SLC12A4: variants seen among roughly 807,000 people sequenced by gnomAD.
SLC12A4 encodes electroneutral potassium-chloride cotransporter 1.
In SLC12A4, 84 loss-of-function variants were observed where a neutral mutation model predicts 119.2. The observed-to-expected ratio is 0.70, with a 90% CI of 0.59 to 0.85. SLC12A4 has a LOEUF of 0.85. SLC12A4 is among the 40% of genes least tolerant of loss of function. SLC12A4 has a pLI of 0.00. For missense variants in SLC12A4, 1,298 were observed against 1,476.3 expected, an observed-to-expected ratio of 0.88 and a Z score of 1.98; for synonymous variants, 599 against 604.6, an observed-to-expected ratio of 0.99 and a Z score of 0.14.
chr16:67,961,875 C>T (rs1258554295), intron 2 of SLC12A4, among the ~76,000 whole-genome samples, 169 bp from the exon 3 acceptor site: 1 of 152,240 alleles, frequency 6.6e-6, no homozygotes, highest in Non-Finnish European at 1.5e-5. Flanking sequence ...GTGTGCACAC[C>T]ACACCCCAGC....
chr16:67,961,747 T>A, intron 2 of SLC12A4, 41 bp from the exon 3 acceptor site: 1 of 1,611,494 alleles, frequency 6.2e-7, no homozygotes, highest in Non-Finnish European at 8.5e-7. Flanking sequence ...TTGGGCCAGG[T>A]GGGTGCCAGC....
Position 67,944,766 on chromosome 16 carries a change from G to C in SLC12A4, c.*74C>G, listed in dbSNP as rs28362524. On this transcript the variant is annotated 3_prime_UTR_variant, in exon 24 of 24. Transcript: ENST00000316341. The surrounding 1 kb of genome is among the most constrained non-coding windows in gnomAD (Gnocchi z 6.6). The stretch of plus-strand genomic sequence containing the variant: ...GGCTGGCAGGTGGGTGCTGGGAAGA[G>C]GCTGTTACCCCAGACCACAGCTTGT... The C allele has an allele frequency of 1.9e-6, 3 of 1,564,746 alleles. No individual in the cohort carries two copies. In the East Asian group the frequency reaches 7.1e-5, roughly 37 times the overall value.
chr16:67,953,995 G>A lies in SLC12A4; in HGVS notation c.675+648C>T, dbSNP rs577342471. On this transcript the variant is annotated intron_variant, in intron 6 of 23. Coordinates refer to ENST00000316341, the MANE Select transcript of SLC12A4 (RefSeq NM_005072.5). ...ATTCAGGTGCAGGGTCCTGCTGCAG[G>A]TAGAGGACCTGGAGACAAGAACAGC... 4.1e-5 allele frequency: 8 copies of A among 193,132 alleles called. No individual in the cohort carries two copies. The South Asian group carries it at 4.6e-4, about 11-fold the overall frequency. The allele number at this position is 193,132 out of a possible 1,614,324, so 12.0% of individuals were successfully genotyped here.
At chr16:67,964,631 A>C (rs1295034752) in intron 1 of SLC12A4, among the ~76,000 whole-genome samples, 3 of 152,184 alleles carry the variant, frequency 2.0e-5, no homozygotes, top group South Asian at 2.1e-4. Flanking sequence ...AGCAGTATGT[A>C]GTTCTGACAT....
Position 67,945,210 on chromosome 16 carries a change from T to C in SLC12A4, c.3043A>G (p.Asn1015Asp), listed in dbSNP as rs1387935267. 1.9e-6 allele frequency: 3 copies of C among 1,558,342 alleles called. No homozygotes were observed. The highest frequency in any genetic ancestry group is 1.7e-6 in the Non-Finnish European group (2 of 1,150,660). Residue 1015 changes from asparagine to aspartate, a missense_variant, in exon 23 of 24, where the codon AAT becomes GAT. Coordinates refer to ENST00000316341, the MANE Select transcript of SLC12A4 (RefSeq NM_005072.5). ...ACAGCAGTGTGCATGCGCCGCACAT[T>C]GGATTGGTCCCTACACGTAGTGTAG... ...ELVHIKPDQS[N>D]VRRMHTAVKL...
rs747067285 is a variant in SLC12A4, at chr16:67,950,421, G to A, written c.1527C>T (p.Ile509=). Residue 509 remains isoleucine (I), a synonymous_variant, in exon 12 of 24, where the codon ATC becomes ATT. Transcript: ENST00000316341. The surrounding 1 kb of genome is among the most constrained non-coding windows in gnomAD (Gnocchi z 4.3). ...LAWPSPWVIV[I]GSFFSTCGAG... is the part of the protein sequence containing the mutation. ...CGCCACACGTTGAAAAGAAGGAGCC[G>A]ATGACGATGACCCAGGGTGAAGGCC... 48 of 1,614,024 alleles carry A rather than the reference G, an allele frequency of 3.0e-5. No individual in the cohort carries two copies. The highest frequency in any genetic ancestry group is 3.5e-5 in the Non-Finnish European group (41 of 1,180,024).
Position 67,951,683 on chromosome 16 carries a change from G to T in SLC12A4, c.1132+140C>A. On this transcript the variant is annotated intron_variant, in intron 8 of 23. Coordinates refer to ENST00000316341, the MANE Select transcript of SLC12A4 (RefSeq NM_005072.5). This position sits in a 1 kb window ranked among gnomAD's most constrained non-coding sequence, Gnocchi z 5.2. ...CTCCAAACTCGGCTGCCAGGAGCCA[G>T]GCTGGGAGGACACTGGGGGGCTGGG... is the stretch of plus-strand genomic sequence containing the variant. 1.3e-6 allele frequency: 1 copy of T among 787,464 alleles called. No homozygotes were observed. Among genetic ancestry groups the T allele is most frequent in the South Asian group, 1.8e-5 (1 of 56,934 alleles). The allele number at this position is 787,464 out of a possible 1,614,324, so 48.8% of individuals were successfully genotyped here.
At chr16:67,967,912 G>A (rs1226279766) in intron 1 of SLC12A4, among the ~76,000 whole-genome samples, 2 of 152,142 alleles carry the variant, frequency 1.3e-5, no homozygotes, top group Non-Finnish European at 2.9e-5. Flanking sequence ...CTACACCGGC[G>A]CACTCACGGG....
rs757279840 is a variant in SLC12A4 at position 67,951,145 on chromosome 16, A to C, written c.1292T>G (p.Val431Gly). The C allele has an allele frequency of 6.2e-7, 1 of 1,613,866 alleles. No individual in the cohort carries two copies. The highest frequency in any genetic ancestry group is 8.5e-7 in the Non-Finnish European group (1 of 1,179,870). The change falls in exon 9 of 24, where the codon GTA (valine) becomes GGA (glycine). Residue 431 changes from valine to glycine, a missense_variant. Coordinates refer to ENST00000316341, the MANE Select transcript of SLC12A4 (RefSeq NM_005072.5). The surrounding 1 kb of genome is among the most constrained non-coding windows in gnomAD (Gnocchi z 5.2). ...TVLVGIFFPSVTGIMAGSNRS... is the reference protein window; with the variant it reads ...TVLVGIFFPSGTGIMAGSNRS... ...GGTAGGCAGGCAGGGCTCACCTGTT[A>C]CAGAAGGGAAGAAGATGCCGACCAG...
rs771072533 is a variant in SLC12A4, at chr16:67,968,477, A to C, written c.77T>G (p.Val26Gly). ...DYDNLEGLSWVDYGERAELDD... is the reference protein window; with the variant it reads ...DYDNLEGLSWGDYGERAELDD... ...CAGCTCGGCGCGCTCCCCGTAGTCC[A>C]CCCAACTGAGCCCCTCGAGGTTGTC... Residue 26 changes from valine (V) to glycine (G), a missense_variant, in exon 1 of 24, where the codon GTG (valine) becomes GGG (glycine). Transcript: ENST00000316341. The C allele has an allele frequency of 2.5e-6, 4 of 1,585,178 alleles. No individual in the cohort carries two copies. In the East Asian group the frequency reaches 7.1e-5, roughly 28 times the overall value.
intron 3 of SLC12A4, among the ~76,000 whole-genome samples, chr16:67,959,721 A>G (rs1357602788): frequency 6.6e-6 from 1 of 152,210 alleles, no homozygotes; most frequent in Non-Finnish European, 1.5e-5. Flanking sequence ...AGAAAAGGAC[A>G]GTGTGGGAAA....
chr16:67,954,778 A>G lies in SLC12A4; in HGVS notation c.545-5T>C, dbSNP rs750036355. On this transcript the variant is annotated splice_polypyrimidine_tract_variant and splice_region_variant and intron_variant, in intron 5 of 23. Transcript: ENST00000316341. ...TCATGAAATAGGAGCCCCCAGCTAC[A>G]GCAGAGAAATGAAAGTGTGCACAGG... 6.8e-6 allele frequency: 11 copies of G among 1,614,168 alleles called. No homozygotes were observed. In the East Asian group the frequency reaches 2.2e-4, roughly 33 times the overall value.
At chr16:67,966,750 C>T (rs1398067204) in intron 1 of SLC12A4, 24 of 1,551,412 alleles carry the variant, frequency 1.5e-5, no homozygotes, top group Non-Finnish European at 2.0e-5. Context: ...CAAAATCACT[C>T]ACCGGGGCTC....
Position 67,950,226 on chromosome 16 carries a change from C to G in SLC12A4, c.1629+93G>C. The G allele has an allele frequency of 2.1e-6, 3 of 1,462,036 alleles. No homozygotes were observed. Among genetic ancestry groups the G allele is most frequent in the Non-Finnish European group, 1.9e-6 (2 of 1,077,606 alleles). The allele number at this position is 1,462,036 out of a possible 1,614,324, so 90.6% of individuals were successfully genotyped here. Reference sequence around the variant, plus strand: ...GCCTGGCCCCGGGGGCCAATAAGGGCAGGACGTGCTGCATCTGTGTTCCCT... The same window carrying G: ...GCCTGGCCCCGGGGGCCAATAAGGGGAGGACGTGCTGCATCTGTGTTCCCT... On this transcript the variant is annotated intron_variant, in intron 12 of 23. Transcript: ENST00000316341. This position sits in a 1 kb window ranked among gnomAD's most constrained non-coding sequence, Gnocchi z 4.3.
rs1361090844 is a variant in SLC12A4, at chr16:67,946,317, C to A, written c.2461G>T (p.Ala821Ser). The A allele has an allele frequency of 8.1e-6, 13 of 1,611,218 alleles. No individual in the cohort carries two copies. In the East Asian group the frequency reaches 2.9e-4, roughly 36 times the overall value. ...TTGGGCACGAGCAGGGCCAGGTGGGCAGCCGTAGTGCAGCGCACGGTGTCT... is the reference window on the plus strand; with the variant it reads ...TTGGGCACGAGCAGGGCCAGGTGGGAAGCCGTAGTGCAGCGCACGGTGTCT... ...FIDTVRCTTA[A>S]HLALLVPKNI... is the part of the protein sequence containing the mutation. Residue 821 changes from alanine to serine, a missense_variant, in exon 19 of 24, where the codon GCC becomes TCC. Transcript: ENST00000316341.
At chr16:67,968,689 C>A (rs745948262), upstream of SLC12A4, 1 of 1,248,664 alleles carries the variant, frequency 8.0e-7, no homozygotes, top group South Asian at 2.8e-5. Context: ...CCGCCCGCCC[C>A]CCGGGCCGCC....
rs543558014 is a variant in SLC12A4, at chr16:67,951,328, C to G, written c.1133-24G>C. On this transcript the variant is annotated intron_variant, in intron 8 of 23. Transcript: ENST00000316341. This position sits in a 1 kb window ranked among gnomAD's most constrained non-coding sequence, Gnocchi z 5.2. ...TTCTGCAGGGGTAGCTGTGTCACCA[C>G]CACAGCTGCCCCCCACTACCCCAGG... is the stretch of plus-strand genomic sequence containing the variant. The G allele has an allele frequency of 1.2e-6, 2 of 1,601,328 alleles. No individual in the cohort carries two copies. Among genetic ancestry groups the G allele is most frequent in the East Asian group, 2.2e-5 (1 of 44,688 alleles).
At chr16:67,945,046 C>G in intron 23 of SLC12A4, 41 bp downstream of exon 23, 1 of 1,584,214 alleles carries the variant, frequency 6.3e-7, no homozygotes, top group South Asian at 1.1e-5. Context: ...ACCTCCCATG[C>G]TATCCACCTC....
chr16:67,958,155 C>T (rs2030380993), intron 3 of SLC12A4, 111 bp from the exon 4 acceptor site: 9 of 1,102,462 alleles, frequency 8.2e-6, no homozygotes, highest in Non-Finnish European at 1.2e-5. Context: ...CCAGGGAACA[C>T]AGAGAGTAGG....
Sources: allele counts gnomAD v4.1 joint callset (sites outside exome capture counted in the v4.1 genomes callset), GRCh38; gene constraint gnomAD v4.1.1; non-coding constraint Gnocchi (gnomAD v3.1); transcripts MANE v1.5; gene names NCBI Gene and HGNC (gene_info 2026-07-23, HGNC 2026-07-21).